Variants in NEGR1 observed in about 807,000 individuals in gnomAD.
NEGR1 encodes IgLON family member 4.
NEGR1 carries 10 observed loss-of-function variants against 40.9 expected under a neutral mutation model. That is an observed-to-expected ratio of 0.24 (90% CI 0.15 to 0.42). NEGR1 has a LOEUF of 0.42. Ranked by LOEUF, NEGR1 falls within the 10% of genes least tolerant of loss-of-function variation. The probability of loss-of-function intolerance (pLI) is 1.00; values close to 1 mark genes in which losing one functional copy is unlikely to be tolerated. For missense variants in NEGR1, 352 were observed against 438.9 expected, an observed-to-expected ratio of 0.80 and a Z score of 1.77; for synonymous variants, 185 against 166.8, an observed-to-expected ratio of 1.11 and a Z score of -0.84.
chr1:71,866,929 G>A (rs518523), intron 2 of NEGR1, among the ~76,000 whole-genome samples: 67,456 of 151,986 alleles, frequency 0.44, 15,246 homozygotes, highest in East Asian at 0.62. Flanking sequence ...AAGTGGGAAT[G>A]TCCCTACTTC....
chr1:71,484,405 A>C (rs1267959580), intron 6 of NEGR1, among the ~76,000 whole-genome samples: 1 of 151,698 alleles, frequency 6.6e-6, no homozygotes, highest in Non-Finnish European at 1.5e-5. Flanking sequence ...AAAGCCTTGA[A>C]AGTGTTCCTT....
chr1:71,937,144 C>A (rs1645913512), intron 1 of NEGR1, among the ~76,000 whole-genome samples: 1 of 152,098 alleles, frequency 6.6e-6, no homozygotes, highest in African/African-American at 2.4e-5. Context: ...ATTGCAGAAT[C>A]TAATTTGCAG....
chr1:71,627,830 C>A (rs1650837393), intron 4 of NEGR1, among the ~76,000 whole-genome samples: 1 of 152,024 alleles, frequency 6.6e-6, no homozygotes, highest in East Asian at 1.9e-4. Flanking sequence ...GTTTTATCTT[C>A]TGTTGAGAAA....
chr1:71,504,825 T>G (rs1490995033), intron 6 of NEGR1, among the ~76,000 whole-genome samples: 1 of 152,132 alleles, frequency 6.6e-6, no homozygotes, highest in Non-Finnish European at 1.5e-5. Context: ...AGGGTCATTC[T>G]TATATGTTCC....
intron 1 of NEGR1, among the ~76,000 whole-genome samples, chr1:72,076,549 T>G (rs1647745541): frequency 8.0e-6 from 1 of 125,116 alleles, no homozygotes. Context: ...CAGATCTGAA[T>G]TACACCACTG....
At chr1:71,963,725 C>T (rs1646187707) in intron 1 of NEGR1, among the ~76,000 whole-genome samples, 3 of 152,118 alleles carry the variant, frequency 2.0e-5, no homozygotes, top group African/African-American at 7.2e-5. Context: ...GGTCTGGAGG[C>T]TCAGACATAT....
intron 4 of NEGR1, among the ~76,000 whole-genome samples, chr1:71,612,839 A>C (rs1650306548): frequency 6.6e-6 from 1 of 152,194 alleles, no homozygotes; most frequent in South Asian, 2.1e-4. Flanking sequence ...AGTTTGTTTA[A>C]TAAATAGCAA....
chr1:71,822,768 T>C (rs552371787), intron 2 of NEGR1, among the ~76,000 whole-genome samples: 2 of 152,118 alleles, frequency 1.3e-5, no homozygotes, highest in Admixed American at 1.3e-4. Flanking sequence ...TCACAGCGTG[T>C]TTGGGCCACT....
At chr1:71,705,268 T>G (rs1570237409) in intron 3 of NEGR1, among the ~76,000 whole-genome samples, 1 of 152,132 alleles carries the variant, frequency 6.6e-6, no homozygotes, top group Admixed American at 6.5e-5. Context: ...TTGACTTAAA[T>G]GTGAATCATA....
At chr1:71,598,631 C>A (rs546283932) in intron 5 of NEGR1, among the ~76,000 whole-genome samples, 1 of 152,274 alleles carries the variant, frequency 6.6e-6, no homozygotes, top group South Asian at 2.1e-4. Flanking sequence ...GTTTTTCTTC[C>A]TCTAGGTTCA....
At chr1:71,765,891 C>G (rs1180446621) in intron 3 of NEGR1, among the ~76,000 whole-genome samples, 1 of 151,882 alleles carries the variant, frequency 6.6e-6, no homozygotes, top group Admixed American at 6.6e-5. Flanking sequence ...AAATAAGAGA[C>G]CTGGCCAGGC....
At chr1:72,032,022 C>G (rs961881433) in intron 1 of NEGR1, among the ~76,000 whole-genome samples, 1 of 152,106 alleles carries the variant, frequency 6.6e-6, no homozygotes, top group African/African-American at 2.4e-5. Context: ...TTGAGGAAGT[C>G]GCTTACCCAA....
intron 4 of NEGR1, among the ~76,000 whole-genome samples, chr1:71,656,830 T>G (rs911270703): frequency 3.9e-5 from 6 of 152,150 alleles, no homozygotes; most frequent in African/African-American, 1.4e-4. Flanking sequence ...ACCTTCAGAG[T>G]CTTAATTACC....
intron 1 of NEGR1, among the ~76,000 whole-genome samples, chr1:72,152,209 G>A (rs931120061): frequency 7.3e-5 from 11 of 151,562 alleles, no homozygotes; most frequent in Admixed American, 5.9e-4. Flanking sequence ...CAAATGAAAG[G>A]AATATTAAAA....
chr1:71,740,948 T>A (rs78489491), intron 3 of NEGR1, among the ~76,000 whole-genome samples: 166 of 152,192 alleles, frequency 1.1e-3, no homozygotes, highest in Non-Finnish European at 7.2e-4. Flanking sequence ...TTTACTTCAG[T>A]GTGACTCTGT....
At chr1:72,268,971 A>G (rs1482301208) in intron 1 of NEGR1, among the ~76,000 whole-genome samples, 4 of 151,570 alleles carry the variant, frequency 2.6e-5, no homozygotes, top group Non-Finnish European at 4.4e-5. Context: ...AGCCACAGCC[A>G]TCATAAAATT....
intron 2 of NEGR1, among the ~76,000 whole-genome samples, chr1:71,880,205 A>G (rs2101842120): frequency 6.6e-6 from 1 of 152,190 alleles, no homozygotes; most frequent in Admixed American, 6.5e-5. Flanking sequence ...GTTTTTCACA[A>G]TAAAAAATAA....
intron 6 of NEGR1, among the ~76,000 whole-genome samples, chr1:71,589,799 C>G (rs1649438514): frequency 6.6e-6 from 1 of 152,022 alleles, no homozygotes; most frequent in South Asian, 2.1e-4. Flanking sequence ...GTCCACAATG[C>G]CTAAGAGTGT....
intron 1 of NEGR1, among the ~76,000 whole-genome samples, chr1:72,045,872 G>A (rs1429338926): frequency 6.6e-6 from 1 of 151,850 alleles, no homozygotes; most frequent in East Asian, 1.9e-4. Context: ...AATTTCGAAA[G>A]AATATCTTAA....
Sources: allele counts gnomAD v4.1 joint callset (sites outside exome capture counted in the v4.1 genomes callset), GRCh38; gene constraint gnomAD v4.1.1; transcripts MANE v1.5; gene names NCBI Gene and HGNC (gene_info 2026-07-23, HGNC 2026-07-21).